RBM47: variants seen among roughly 807,000 people sequenced by gnomAD.
The protein encoded by RBM47 is RNA binding motif protein 47, also known as RNA-binding protein 47.
In RBM47, 21 loss-of-function variants were observed where a neutral mutation model predicts 47.1. The ratio of observed to expected loss-of-function variants is 0.45; its 90% CI spans 0.32 to 0.64. RBM47 has a LOEUF of 0.64. Among genes scored for constraint, RBM47 ranks in the 30% least tolerant of loss-of-function variants. RBM47 has a pLI of 0.05. For synonymous variants in RBM47, 375 were observed against 361.7 expected (o/e 1.04, Z -0.42); for missense variants, 708 against 870.9 (o/e 0.81, Z 2.35).
intron 3 of RBM47, among the ~76,000 whole-genome samples, chr4:40,450,775 T>C (rs546863192): frequency 1.3e-5 from 2 of 152,194 alleles, no homozygotes; most frequent in South Asian, 4.1e-4. Flanking sequence ...TTTCAGATGT[T>C]TCATAACATC....
At chr4:40,498,235 A>G (rs1354308829) in intron 2 of RBM47, among the ~76,000 whole-genome samples, 1 of 151,776 alleles carries the variant, frequency 6.6e-6, no homozygotes, top group Non-Finnish European at 1.5e-5. Context: ...CCATATAACC[A>G]AAGGTGAGCC....
chr4:40,509,160 A>AAAAT (rs139292597), intron 2 of RBM47, among the ~76,000 whole-genome samples: 19,625 of 146,342 alleles, frequency 0.13, 1,506 homozygotes, highest in East Asian at 0.22. Flanking sequence ...CCTCCATCTC[A>AAAAT]AAATAAATAA....
chr4:40,553,031 G>A (rs1386475994), intron 1 of RBM47, among the ~76,000 whole-genome samples: 1 of 150,696 alleles, frequency 6.6e-6, no homozygotes, highest in African/African-American at 2.4e-5. Context: ...GCAGTGGCAC[G>A]ATCTTGGCTC....
chr4:40,481,492 A>ATTT (rs1553887667), intron 2 of RBM47, among the ~76,000 whole-genome samples: 11 of 113,590 alleles, frequency 9.7e-5, no homozygotes, highest in African/African-American at 3.3e-4. Context: ...TATTATTTTT[A>ATTT]TTTTTATTTT....
At chr4:40,513,535 G>A (rs544132438) in intron 2 of RBM47, among the ~76,000 whole-genome samples, 11 of 152,058 alleles carry the variant, frequency 7.2e-5, no homozygotes, top group African/African-American at 2.7e-4. Context: ...TTTGATTAAG[G>A]CTGTAGCTTT....
intron 2 of RBM47, among the ~76,000 whole-genome samples, chr4:40,519,516 C>T (rs549875473): frequency 1.9e-4 from 29 of 151,874 alleles, no homozygotes; most frequent in Admixed American, 9.2e-4. Context: ...AGGCTGGTCT[C>T]GAACTCCCAA....
At chr4:40,437,148 TATAA>T (rs1434058384) in intron 4 of RBM47, among the ~76,000 whole-genome samples, 24 of 56,932 alleles carry the variant, frequency 4.2e-4, no homozygotes, top group African/African-American at 1.1e-3. Flanking sequence ...CATATATATA[TATAA>T]AATACATATA....
At chr4:40,549,061 T>C (rs1729292111) in intron 1 of RBM47, among the ~76,000 whole-genome samples, 1 of 151,898 alleles carries the variant, frequency 6.6e-6, no homozygotes, top group Non-Finnish European at 1.5e-5. Context: ...ACTCATTCTT[T>C]TTATCAATCA....
intron 1 of RBM47, among the ~76,000 whole-genome samples, chr4:40,627,195 G>A (rs982077013): frequency 2.6e-5 from 4 of 152,122 alleles, no homozygotes; most frequent in Non-Finnish European, 4.4e-5. Flanking sequence ...TTGGAATCAC[G>A]GTGACAAGCA....
intron 4 of RBM47, among the ~76,000 whole-genome samples, chr4:40,437,171 T>TACATATATATATATAA (rs1553877846): frequency 1.1e-5 from 1 of 92,338 alleles, no homozygotes; most frequent in African/African-American, 5.3e-5. Context: ...TATATATATA[T>TACATATATATATATAA]AATACATATA....
chr4:40,487,711 C>A (rs1721297165), intron 2 of RBM47, among the ~76,000 whole-genome samples: 1 of 151,760 alleles, frequency 6.6e-6, no homozygotes, highest in African/African-American at 2.4e-5. Flanking sequence ...AATGGCAAGC[C>A]CCAAGTATGA....
intron 1 of RBM47, among the ~76,000 whole-genome samples, chr4:40,576,267 G>A (rs73809068): frequency 0.036 from 4,730 of 132,934 alleles, 319 homozygotes; most frequent in African/African-American, 0.11. Flanking sequence ...GGGGGGGGGC[G>A]GAGACAGGGT....
At chr4:40,520,844 C>T (rs1357502057) in intron 2 of RBM47, among the ~76,000 whole-genome samples, 1 of 152,210 alleles carries the variant, frequency 6.6e-6, no homozygotes, top group East Asian at 1.9e-4. Context: ...TCAGTCTACA[C>T]TGTCCGGTGC....
At chr4:40,487,715 A>C (rs1337885586) in intron 2 of RBM47, among the ~76,000 whole-genome samples, 1 of 152,210 alleles carries the variant, frequency 6.6e-6, no homozygotes, top group African/African-American at 2.4e-5. Flanking sequence ...GCAAGCCCCA[A>C]GTATGAAGAG....
rs767882065 is a variant in RBM47 at position 40,567,303 on chromosome 4, GTTACA to G, written c.-239-22802_-239-22798del. Among the ~76,000 whole-genome samples the G allele has an allele frequency of 8.5e-5, 13 of 152,080 alleles. 1 individual carries two copies. The highest frequency in any genetic ancestry group is 1.5e-4 in the Non-Finnish European group (10 of 67,912). ...GAGGTTACCTGTAAAATGCGATTTT[GTTACA>G]TTACAACTAACATTTATCGAGCATT... On this transcript the variant is annotated intron_variant, in intron 1 of 6. Transcript: ENST00000295971.
intron 2 of RBM47, among the ~76,000 whole-genome samples, chr4:40,491,308 A>T (rs894960810): frequency 1.3e-5 from 2 of 152,210 alleles, no homozygotes; most frequent in African/African-American, 4.8e-5. Flanking sequence ...AATTCATATC[A>T]TATACAAAAA....
chr4:40,456,385 C>T (rs115373284), intron 3 of RBM47, among the ~76,000 whole-genome samples: 5,696 of 151,858 alleles, frequency 0.038, 360 homozygotes, highest in African/African-American at 0.13. Flanking sequence ...TCTTTAATTG[C>T]AAAAAATTCA....
chr4:40,492,477 G>T (rs1352904378), intron 2 of RBM47, among the ~76,000 whole-genome samples: 2 of 152,134 alleles, frequency 1.3e-5, no homozygotes, highest in African/African-American at 4.8e-5. Flanking sequence ...CATTTCAAAG[G>T]CTCCCATGAC....
intron 2 of RBM47, among the ~76,000 whole-genome samples, chr4:40,537,553 A>T (rs1350115495): frequency 1.6e-5 from 2 of 128,404 alleles, no homozygotes; most frequent in Non-Finnish European, 3.2e-5. Context: ...TACCTGGCCT[A>T]ATTTTTAAAT....
Sources: allele counts gnomAD v4.1 joint callset (sites outside exome capture counted in the v4.1 genomes callset), GRCh38; gene constraint gnomAD v4.1.1; transcripts MANE v1.5; gene names NCBI Gene and HGNC (gene_info 2026-07-23, HGNC 2026-07-21).